SLC2A2: variants seen among roughly 807,000 people sequenced by gnomAD.
SLC2A2 encodes solute carrier family 2 member 2.
A neutral mutation model predicts 54.5 loss-of-function variants in SLC2A2; 36 were observed. That is an observed-to-expected ratio of 0.66 (90% confidence interval 0.51 to 0.87). The LOEUF (loss-of-function observed/expected upper bound fraction) is 0.87. SLC2A2 is among the 40% of genes least tolerant of loss of function. The pLI is 0.00. For synonymous variants in SLC2A2, 223 were observed against 219.1 expected (o/e 1.02, Z -0.16); for missense variants, 543 against 624.3 (o/e 0.87, Z 1.39).
At chr3:170,999,403 A>G (rs1715242295) in intron 8 of SLC2A2, among the ~76,000 whole-genome samples, 1 of 152,072 alleles carries the variant, frequency 6.6e-6, no homozygotes, top group Non-Finnish European at 1.5e-5. Context: ...ATTTAGTCAC[A>G]TTGGTTTGAA....
At chr3:171,020,831 C>T (rs372544779) in intron 1 of SLC2A2, among the ~76,000 whole-genome samples, 3 of 151,770 alleles carry the variant, frequency 2.0e-5, no homozygotes, top group South Asian at 2.1e-4. Flanking sequence ...CTGCAGTGAG[C>T]TATGATTGCA....
At chr3:171,026,368 C>CTT (rs58089695) in intron 1 of SLC2A2, among the ~76,000 whole-genome samples, 584 of 117,486 alleles carry the variant, frequency 5.0e-3, no homozygotes, top group Middle Eastern at 0.011. Context: ...AATCTGCCCC[C>CTT]TTTTTTTTTT....
chr3:171,023,614 G>T (rs1716560699), intron 1 of SLC2A2, among the ~76,000 whole-genome samples: 1 of 152,164 alleles, frequency 6.6e-6, no homozygotes, highest in South Asian at 2.1e-4. Flanking sequence ...GTACATAAGT[G>T]CTACTGAAAA....
intron 1 of SLC2A2, among the ~76,000 whole-genome samples, chr3:171,021,615 C>T (rs748084697): frequency 6.6e-6 from 1 of 152,088 alleles, no homozygotes; most frequent in African/African-American, 2.4e-5. Flanking sequence ...GCGAGATCCC[C>T]ATCTCTACAA....
intron 7 of SLC2A2, among the ~76,000 whole-genome samples, chr3:171,003,433 GT>G (rs924619011): frequency 1.5e-5 from 1 of 68,160 alleles, no homozygotes; most frequent in African/African-American, 3.7e-5. Context: ...TTGCAATGTA[GT>G]TTTTTTTGGG....
intron 8 of SLC2A2, among the ~76,000 whole-genome samples, chr3:171,000,757 G>A (rs944236604): frequency 5.3e-5 from 8 of 152,004 alleles, no homozygotes; most frequent in Non-Finnish European, 1.0e-4. Context: ...AAAACAAACT[G>A]ATGTTCTTCC....
At chr3:171,016,855 T>C (rs1269060150) in intron 2 of SLC2A2, among the ~76,000 whole-genome samples, 16 of 122,836 alleles carry the variant, frequency 1.3e-4, no homozygotes, top group African/African-American at 5.8e-4. Context: ...ATTTTTTCTT[T>C]TTTTTTTTTT....
intron 3 of SLC2A2, 51 bp downstream of exon 3, chr3:171,014,418 A>G (rs763313888): frequency 2.9e-5 from 46 of 1,590,246 alleles, no homozygotes; most frequent in Non-Finnish European, 4.0e-5. Context: ...AGTGTTAGGA[A>G]AATGAAAATA....
At chr3:170,998,630 G>A (rs1319608416) in intron 9 of SLC2A2, among the ~76,000 whole-genome samples, 1 of 152,070 alleles carries the variant, frequency 6.6e-6, no homozygotes, top group Non-Finnish European at 1.5e-5. Context: ...AAAGAGGCAG[G>A]GCAAGGATCC....
At position 171,009,923 on chromosome 3, in the gene SLC2A2, G is replaced by A. The variant is rs2108250314; in HGVS notation, c.496+35C>T. ...TTCAGACAAAGGTAGGTGTGTGTGTGTGTGTGTGTGTGTGTGTGTGTGTGT... is the reference window on the plus strand; with the variant it reads ...TTCAGACAAAGGTAGGTGTGTGTGTATGTGTGTGTGTGTGTGTGTGTGTGT... On this transcript the variant is annotated intron_variant, in intron 4 of 10. Coordinates refer to ENST00000314251, the MANE Select transcript of SLC2A2 (RefSeq NM_000340.2). The A allele has an allele frequency of 3.2e-6, 5 of 1,540,736 alleles. No homozygotes were observed. The East Asian group carries it at 7.1e-5, about 22-fold the overall frequency.
intron 6 of SLC2A2, 62 bp from the exon 7 acceptor site, chr3:171,005,534 A>G: frequency 2.2e-6 from 3 of 1,348,220 alleles, no homozygotes; most frequent in Admixed American, 3.5e-5. Flanking sequence ...ATTTATTTTT[A>G]TGTTAATGAA....
At position 171,008,073 on chromosome 3, in the gene SLC2A2, T is replaced by G. The variant is rs139942697; in HGVS notation, c.497-810A>C. On this transcript the variant is annotated intron_variant, in intron 4 of 10. Transcript: ENST00000314251. ...GACTGCATAAAAAGTTCAGAGACTA[T>G]CGACAGGCAAGGCTGAATTAAATGT... is the stretch of plus-strand genomic sequence containing the variant. 4.1e-3 allele frequency among the ~76,000 whole-genome samples: 630 copies of G among 152,196 alleles called. 6 individuals are homozygous for G. Among genetic ancestry groups the G allele is most frequent in the African/African-American group, 0.014 (577 of 41,538 alleles).
intron 6 of SLC2A2, 126 bp from the exon 7 acceptor site, chr3:171,005,598 A>C: frequency 1.3e-6 from 1 of 763,632 alleles, no homozygotes; most frequent in Non-Finnish European, 2.1e-6. Context: ...GGGTGTTGGA[A>C]ATTCTTTTTT....
chr3:171,000,163 T>G (rs892439877), intron 8 of SLC2A2, among the ~76,000 whole-genome samples: 2 of 151,718 alleles, frequency 1.3e-5, no homozygotes, highest in African/African-American at 4.9e-5. Flanking sequence ...AAAGCCTGTT[T>G]CTCAGAGGCA....
intron 3 of SLC2A2, among the ~76,000 whole-genome samples, chr3:171,011,680 A>G (rs191797646): frequency 6.6e-6 from 1 of 152,326 alleles, no homozygotes; most frequent in East Asian, 1.9e-4. Flanking sequence ...CCAGAGCTAC[A>G]GAGTAGAAAA....
In SLC2A2 at chr3:171,005,331, A is replaced by G; in HGVS notation, c.917T>C (p.Val306Ala). 6.2e-7 allele frequency: 1 copy of G among 1,613,086 alleles called. No individual in the cohort carries two copies. The highest frequency in any genetic ancestry group is 8.5e-7 in the Non-Finnish European group (1 of 1,179,334). ...TNSSYRQPIL[V>A]ALMLHVAQQF... ...CTGAGCCACATGCAGCATCAGTGCC[A>G]CTAGAATAGGCTGTCGGTAGCTGGA... Residue 306 changes from valine (V) to alanine (A), a missense_variant, in exon 7 of 11, where the codon GTG (valine) becomes GCG (alanine). Around this residue, in one of 3 missense-constraint regions of SLC2A2, gnomAD observed 117 missense variants for 179.2 expected, o/e 0.65. Coordinates refer to ENST00000314251, the MANE Select transcript of SLC2A2 (RefSeq NM_000340.2).
At chr3:171,003,993 T>C (rs1715466891) in intron 7 of SLC2A2, among the ~76,000 whole-genome samples, 1 of 152,034 alleles carries the variant, frequency 6.6e-6, no homozygotes, top group Admixed American at 6.6e-5. Flanking sequence ...TAAAATTTAG[T>C]TATGTTTATA....
intron 8 of SLC2A2, among the ~76,000 whole-genome samples, chr3:171,002,267 A>G (rs548623059): frequency 3.9e-4 from 60 of 152,160 alleles, no homozygotes; most frequent in African/African-American, 1.4e-3. Flanking sequence ...TACAGAGAAA[A>G]GAAGGAACCT....
At chr3:171,001,163 C>T (rs1328941487) in intron 8 of SLC2A2, among the ~76,000 whole-genome samples, 1 of 151,914 alleles carries the variant, frequency 6.6e-6, no homozygotes, top group Non-Finnish European at 1.5e-5. Context: ...CAGAAGTTTC[C>T]TCTTTAGATT....
Sources: gnomAD v4.1 joint callset for allele counts (sites outside exome capture counted in the v4.1 genomes callset) on GRCh38, gnomAD v4.1.1 for gene constraint, gnomAD v4.1.1 regional missense constraint, MANE v1.5 for transcripts, NCBI Gene and HGNC (gene_info 2026-07-23, HGNC 2026-07-21) for gene names.